The following SLC24A3 variants were observed in gnomAD, a reference collection of about 807,000 sequenced individuals.
SLC24A3 encodes solute carrier family 24 member 3.
Under a neutral mutation model 75.8 loss-of-function variants are expected in SLC24A3, and 28 were observed. The ratio of observed to expected loss-of-function variants is 0.37; its 90% CI spans 0.27 to 0.51. The LOEUF (loss-of-function observed/expected upper bound fraction) is 0.51. Among genes scored for constraint, SLC24A3 ranks in the 20% least tolerant of loss-of-function variants. SLC24A3 has a pLI of 0.94. For synonymous variants in SLC24A3, 372 were observed against 334.1 expected (o/e 1.11, Z -1.24); for missense variants, 663 against 847.8 (o/e 0.78, Z 2.71).
At chr20:19,248,299 G>A (rs1225117873) in intron 1 of SLC24A3, among the ~76,000 whole-genome samples, 1 of 152,136 alleles carries the variant, frequency 6.6e-6, no homozygotes, top group Non-Finnish European at 1.5e-5. Flanking sequence ...TCATCATGCT[G>A]CAGTAGTACA....
At chr20:19,352,235 C>G (rs1985585566) in intron 2 of SLC24A3, among the ~76,000 whole-genome samples, 4 of 152,106 alleles carry the variant, frequency 2.6e-5, no homozygotes, top group Admixed American at 2.6e-4. Context: ...ATTGAAAGCC[C>G]CCAGGGCAGA....
intron 2 of SLC24A3, among the ~76,000 whole-genome samples, chr20:19,358,909 A>G (rs1000633128): frequency 4.8e-4 from 73 of 152,166 alleles, no homozygotes; most frequent in African/African-American, 1.6e-3. Flanking sequence ...ACTTAGTATC[A>G]TGTTTTCAGG....
At chr20:19,327,822 C>G (rs1301725633) in intron 2 of SLC24A3, among the ~76,000 whole-genome samples, 10 of 152,248 alleles carry the variant, frequency 6.6e-5, no homozygotes, top group Admixed American at 5.2e-4. Context: ...ATTGGACACC[C>G]ACTGTGTGTC....
intron 7 of SLC24A3, among the ~76,000 whole-genome samples, chr20:19,656,599 G>T (rs2032269665): frequency 6.6e-6 from 1 of 152,128 alleles, no homozygotes; most frequent in African/African-American, 2.4e-5. Flanking sequence ...ATTACAGGAT[G>T]TTGGGATGAT....
intron 3 of SLC24A3, among the ~76,000 whole-genome samples, chr20:19,540,660 G>C (rs1286088944): frequency 6.6e-6 from 1 of 152,216 alleles, no homozygotes; most frequent in Non-Finnish European, 1.5e-5. Context: ...AAGCCCAGGG[G>C]AGGCCCATTT....
At chr20:19,325,795 T>TATATATATATATATATATAG in intron 2 of SLC24A3, among the ~76,000 whole-genome samples, 1 of 67,796 alleles carries the variant, frequency 1.5e-5, no homozygotes, top group East Asian at 6.3e-4. Context: ...TATATATATA[T>TATATATATATATATATATAG]AGAGAGAGAG....
chr20:19,511,366 C>T (rs538886354), intron 2 of SLC24A3, among the ~76,000 whole-genome samples: 8 of 147,746 alleles, frequency 5.4e-5, no homozygotes, highest in Non-Finnish European at 1.0e-4. Flanking sequence ...CTCGCTCTGT[C>T]ACCCAGGCTG....
chr20:19,648,379 A>T (rs2032162399), intron 6 of SLC24A3, among the ~76,000 whole-genome samples: 1 of 152,180 alleles, frequency 6.6e-6, no homozygotes, highest in Admixed American at 6.5e-5. Flanking sequence ...TGAAATAACA[A>T]CATTTCTCAC....
At chr20:19,219,350 C>T (rs1291995285) in intron 1 of SLC24A3, among the ~76,000 whole-genome samples, 1 of 152,120 alleles carries the variant, frequency 6.6e-6, no homozygotes, top group Non-Finnish European at 1.5e-5. Flanking sequence ...CTGCCCGGAC[C>T]CCAGTTGCGT....
At chr20:19,498,791 T>C (rs1358834087) in intron 2 of SLC24A3, among the ~76,000 whole-genome samples, 1 of 152,210 alleles carries the variant, frequency 6.6e-6, no homozygotes, top group Non-Finnish European at 1.5e-5. Context: ...CACCTCCCTT[T>C]AAGACTGGTT....
intron 2 of SLC24A3, among the ~76,000 whole-genome samples, chr20:19,491,725 C>A: frequency 6.6e-6 from 1 of 152,102 alleles, no homozygotes; most frequent in South Asian, 2.1e-4. Context: ...TAAGGACATG[C>A]TGGGAAAGGA....
chr20:19,679,698 A>G (rs2032587084), intron 9 of SLC24A3, among the ~76,000 whole-genome samples: 1 of 152,226 alleles, frequency 6.6e-6, no homozygotes, highest in Non-Finnish European at 1.5e-5. Flanking sequence ...ATTCCTTAAT[A>G]TCATAAAATA....
At chr20:19,375,005 A>G (rs1158086664) in intron 2 of SLC24A3, among the ~76,000 whole-genome samples, 5 of 152,134 alleles carry the variant, frequency 3.3e-5, no homozygotes, top group African/African-American at 9.7e-5. Context: ...TTCTGCTAGT[A>G]GGAAGCCCCA....
intron 15 of SLC24A3, among the ~76,000 whole-genome samples, chr20:19,710,171 G>A (rs1054450355): frequency 6.6e-6 from 1 of 152,176 alleles, no homozygotes; most frequent in Non-Finnish European, 1.5e-5. Context: ...AAATCCAGGG[G>A]CTTCTTATTT....
intron 3 of SLC24A3, among the ~76,000 whole-genome samples, chr20:19,572,165 C>A (rs1410827106): frequency 2.0e-5 from 3 of 151,944 alleles, no homozygotes; most frequent in Admixed American, 2.0e-4. Context: ...AGGGAGGAGC[C>A]CCCTCCCCCT....
chr20:19,379,645 G>A (rs1377924313), intron 2 of SLC24A3, among the ~76,000 whole-genome samples: 1 of 152,124 alleles, frequency 6.6e-6, no homozygotes, highest in African/African-American at 2.4e-5. Flanking sequence ...GCAGAATTAA[G>A]CCAGTGGCTG....
chr20:19,259,493 A>C (rs1982917635), intron 1 of SLC24A3, among the ~76,000 whole-genome samples: 1 of 152,206 alleles, frequency 6.6e-6, no homozygotes, highest in South Asian at 2.1e-4. Context: ...AGCACTGCTG[A>C]GTGGCAGCGA....
At chr20:19,517,792 G>A (rs1207086509) in intron 3 of SLC24A3, among the ~76,000 whole-genome samples, 1 of 152,188 alleles carries the variant, frequency 6.6e-6, no homozygotes, top group Admixed American at 6.5e-5. Context: ...TTCTTGTAGG[G>A]AAGAGACCCA....
At chr20:19,692,681 A>G (rs562457776) in intron 12 of SLC24A3, among the ~76,000 whole-genome samples, 206 of 152,286 alleles carry the variant, frequency 1.4e-3, no homozygotes, top group African/African-American at 4.8e-3. Context: ...ATGTATGCAT[A>G]TTTATTTCTA....
Sources: allele counts gnomAD v4.1 joint callset (sites outside exome capture counted in the v4.1 genomes callset), GRCh38; gene constraint gnomAD v4.1.1; transcripts MANE v1.5; gene names NCBI Gene and HGNC (gene_info 2026-07-23, HGNC 2026-07-21).